The following CYP2J2 variants were observed in gnomAD, a reference collection of about 807,000 sequenced individuals.
The protein encoded by CYP2J2 is cytochrome P450 2J2.
Under a neutral mutation model 48.8 loss-of-function variants are expected in CYP2J2, and 41 were observed. The ratio of observed to expected loss-of-function variants is 0.84; its 90% confidence interval spans 0.66 to 1.09. The LOEUF (loss-of-function observed/expected upper bound fraction) is 1.09, where lower values mean the gene tolerates loss of function less well. CYP2J2 is among the 50% of genes least tolerant of loss of function. The pLI, the probability that CYP2J2 is intolerant of heterozygous loss-of-function variation, is 0.00. For synonymous variants in CYP2J2, 221 were observed against 227.1 expected, an observed-to-expected ratio of 0.97 and a Z score of 0.24; for missense variants, 644 against 617.3, an observed-to-expected ratio of 1.04 and a Z score of -0.46.
At chr1:59,913,301 C>T (rs895974782) in intron 2 of CYP2J2, 6 of 152,090 alleles carry the variant, frequency 3.9e-5, no homozygotes, top group Non-Finnish European at 8.8e-5. Context: ...TTTTCTCACC[C>T]TATACTCTAT....
intron 2 of CYP2J2, among the ~76,000 whole-genome samples, chr1:59,915,213 C>T (rs550087988): frequency 7.1e-4 from 108 of 152,248 alleles, no homozygotes; most frequent in African/African-American, 2.2e-3. Context: ...AGTCAGAGAC[C>T]GGTGCCAGTG....
upstream of CYP2J2, among the ~76,000 whole-genome samples, chr1:59,930,635 T>G (rs1452938906): frequency 6.6e-6 from 1 of 152,120 alleles, no homozygotes; most frequent in Non-Finnish European, 1.5e-5. Context: ...ATTTATGTAT[T>G]CTGTATATTA....
At chr1:59,952,954 G>A in the CYP2J2 span, among the ~76,000 whole-genome samples, 4 of 152,186 alleles carry the variant, frequency 2.6e-5, no homozygotes, top group East Asian at 7.7e-4. Flanking sequence ...AGTAAGTAAG[G>A]CATGGAAAGG....
intron 8 of CYP2J2, among the ~76,000 whole-genome samples, chr1:59,897,935 G>T (rs1644283849): frequency 6.6e-6 from 1 of 152,192 alleles, no homozygotes; most frequent in Non-Finnish European, 1.5e-5. Flanking sequence ...GAAAAAAACA[G>T]ACAGTTGTGT....
the CYP2J2 span, among the ~76,000 whole-genome samples, chr1:59,945,407 C>CATCTATCTATCTATCT: frequency 2.0e-5 from 3 of 148,804 alleles, no homozygotes; most frequent in African/African-American, 4.9e-5. Flanking sequence ...CTCTTTCTGT[C>CATCTATCTATCTATCT]ATCTATCTAT....
the CYP2J2 span, among the ~76,000 whole-genome samples, chr1:59,957,916 C>A: frequency 6.6e-6 from 1 of 152,044 alleles, no homozygotes; most frequent in Non-Finnish European, 1.5e-5. Context: ...ATGGCATTAG[C>A]CTTCTGGAAG....
At chr1:59,963,408 T>C in the CYP2J2 span, among the ~76,000 whole-genome samples, 3 of 152,214 alleles carry the variant, frequency 2.0e-5, no homozygotes. Flanking sequence ...GGTTGAAAAT[T>C]TGCCTATTTT....
chr1:59,935,153 C>T, the CYP2J2 span, among the ~76,000 whole-genome samples: 1 of 150,078 alleles, frequency 6.7e-6, no homozygotes, highest in Admixed American at 6.7e-5. Context: ...AGTAAGCCAG[C>T]TACAGAAAGG....
intron 2 of CYP2J2, among the ~76,000 whole-genome samples, chr1:59,915,546 A>G (rs1002016018): frequency 3.9e-5 from 6 of 152,242 alleles, no homozygotes; most frequent in Non-Finnish European, 8.8e-5. Flanking sequence ...ATGAAAGAGA[A>G]TAAGGAAATA....
intron 8 of CYP2J2, among the ~76,000 whole-genome samples, chr1:59,899,265 A>G (rs1644295778): frequency 6.6e-6 from 1 of 152,252 alleles, no homozygotes; most frequent in Non-Finnish European, 1.5e-5. Flanking sequence ...AAACTCTTGT[A>G]GACAGGAAGA....
intron 1 of CYP2J2, among the ~76,000 whole-genome samples, chr1:59,919,684 C>T (rs991415716): frequency 2.6e-5 from 4 of 152,238 alleles, no homozygotes; most frequent in African/African-American, 9.6e-5. Context: ...ATATGATAGA[C>T]CTGATCTCTA....
At chr1:59,942,992 T>C in the CYP2J2 span, among the ~76,000 whole-genome samples, 1 of 152,170 alleles carries the variant, frequency 6.6e-6, no homozygotes, top group Non-Finnish European at 1.5e-5. Flanking sequence ...AAATAGTTAA[T>C]GTTTCAATTT....
chr1:59,963,582 A>G, the CYP2J2 span, among the ~76,000 whole-genome samples: 2 of 152,138 alleles, frequency 1.3e-5, no homozygotes, highest in African/African-American at 4.8e-5. Context: ...TGGTCCATTT[A>G]TCTATTGATG....
chr1:59,926,806 G>T, upstream of CYP2J2: 1 of 1,466,790 alleles, frequency 6.8e-7, no homozygotes, highest in South Asian at 1.2e-5. Flanking sequence ...AGCAGGCGAC[G>T]GTCCCCGCCC....
the CYP2J2 span, among the ~76,000 whole-genome samples, chr1:59,932,704 ATTT>A: frequency 1.4e-5 from 2 of 144,662 alleles, no homozygotes; most frequent in African/African-American, 2.5e-5. Flanking sequence ...TTCTTATTCT[ATTT>A]TTTTTTTTTT....
At chr1:59,950,738 GGCTC>G in the CYP2J2 span, among the ~76,000 whole-genome samples, 1 of 152,156 alleles carries the variant, frequency 6.6e-6, no homozygotes, top group Non-Finnish European at 1.5e-5. Flanking sequence ...TGCCTGCTGT[GGCTC>G]AACTAAGATG....
chr1:59,962,800 T>C, the CYP2J2 span, among the ~76,000 whole-genome samples: 2 of 152,180 alleles, frequency 1.3e-5, no homozygotes, highest in Non-Finnish European at 2.9e-5. Context: ...GACACTGTAA[T>C]TCACAAGTTT....
chr1:59,914,901 C>A (rs1282411392), intron 2 of CYP2J2, among the ~76,000 whole-genome samples: 1 of 152,200 alleles, frequency 6.6e-6, no homozygotes, highest in Admixed American at 6.5e-5. Flanking sequence ...CGGTATAAAA[C>A]CCGATTGTAC....
At chr1:59,933,622 G>A in the CYP2J2 span, among the ~76,000 whole-genome samples, 1 of 152,052 alleles carries the variant, frequency 6.6e-6, no homozygotes, top group African/African-American at 2.4e-5. Context: ...GTAAGATTAT[G>A]TCATCTGTGA....
Sources: allele counts gnomAD v4.1 joint callset (sites outside exome capture counted in the v4.1 genomes callset), GRCh38; gene constraint gnomAD v4.1.1; transcripts MANE v1.5; gene names NCBI Gene and HGNC (gene_info 2026-07-23, HGNC 2026-07-21).